Variants in PRSS23 observed in about 807,000 individuals in gnomAD.
The protein encoded by PRSS23 is serine protease 23, also known as protease, serine 23.
Under a neutral mutation model 34.7 loss-of-function variants are expected in PRSS23, and 25 were observed. The observed-to-expected ratio is 0.72, with a 90% CI of 0.53 to 1.01. The LOEUF (loss-of-function observed/expected upper bound fraction) is 1.01. Ranked by LOEUF, PRSS23 falls within the 50% of genes least tolerant of loss-of-function variation. The pLI, the probability that PRSS23 is intolerant of heterozygous loss-of-function variation, is 0.00. For synonymous variants in PRSS23, 176 were observed against 186.6 expected (o/e 0.94, Z 0.46); for missense variants, 445 against 475.6 (o/e 0.94, Z 0.60).
chr11:86,844,605 T>C (rs1171387443), intron 2 of PRSS23, among the ~76,000 whole-genome samples: 1 of 152,212 alleles, frequency 6.6e-6, no homozygotes, highest in African/African-American at 2.4e-5. Context: ...CCCATTTCTT[T>C]CTGCCTCTAT....
intron 2 of PRSS23, among the ~76,000 whole-genome samples, chr11:86,824,630 TC>T (rs1948284637): frequency 1.5e-5 from 1 of 65,078 alleles, no homozygotes; most frequent in Admixed American, 2.5e-4. Context: ...CCCTCCCCCC[TC>T]CCCCCACCCC....
At chr11:86,902,475 T>TG (rs1176347731) in intron 2 of PRSS23, among the ~76,000 whole-genome samples, 3 of 152,238 alleles carry the variant, frequency 2.0e-5, no homozygotes, top group African/African-American at 7.2e-5. Context: ...CAGGTGTACC[T>TG]GGCTTTCTGT....
At chr11:86,845,824 C>G (rs1465688510) in intron 2 of PRSS23, among the ~76,000 whole-genome samples, 3 of 152,192 alleles carry the variant, frequency 2.0e-5, no homozygotes, top group Non-Finnish European at 4.4e-5. Flanking sequence ...CTGTGACCAG[C>G]AGACCTTATC....
intron 2 of PRSS23, among the ~76,000 whole-genome samples, chr11:86,861,592 A>G (rs1161083477): frequency 6.6e-6 from 1 of 151,522 alleles, no homozygotes; most frequent in Non-Finnish European, 1.5e-5. Flanking sequence ...CCCTTCTGTG[A>G]TATTGTTCGT....
rs138110940 is a variant in PRSS23 at position 86,872,204 on chromosome 11, A to G, written c.206+48611A>G. Among the ~76,000 whole-genome samples, 5 of 152,362 alleles carry G rather than the reference A, an allele frequency of 3.3e-5. No homozygotes were observed. The East Asian group carries it at 9.6e-4, about 29-fold the overall frequency. On this transcript the variant is annotated intron_variant, in intron 2 of 2. Transcript: ENST00000533902. Reference sequence around the variant, plus strand: ...AGTATCTAGCAAGATAATGGAATAAATAGTATATAATGTGTTATTATTTCC... The same window carrying G: ...AGTATCTAGCAAGATAATGGAATAAGTAGTATATAATGTGTTATTATTTCC...
At chr11:86,860,496 C>A (rs986334309) in intron 2 of PRSS23, among the ~76,000 whole-genome samples, 1 of 149,620 alleles carries the variant, frequency 6.7e-6, no homozygotes, top group East Asian at 2.0e-4. Flanking sequence ...ATATTACTCC[C>A]AATATCACAA....
intron 2 of PRSS23, among the ~76,000 whole-genome samples, chr11:86,900,781 C>CTTTTTTT (rs60869425): frequency 4.0e-4 from 38 of 94,014 alleles, no homozygotes; most frequent in African/African-American, 8.0e-4. Flanking sequence ...ATCTCTCTCT[C>CTTTTTTT]TTTTTTTTTT....
chr11:86,821,011 C>G (rs1948247843), intron 1 of PRSS23: 1 of 178,068 alleles, frequency 5.6e-6, no homozygotes, highest in Admixed American at 5.9e-5. Context: ...AAAGGCAAAC[C>G]CAGCATACAA....
intron 1 of PRSS23, among the ~76,000 whole-genome samples, chr11:86,802,037 A>G (rs1445382821): frequency 2.0e-5 from 3 of 152,178 alleles, no homozygotes; most frequent in Non-Finnish European, 4.4e-5. Context: ...TGGTTGTAGC[A>G]TAAGTGTCCA....
At position 86,810,978 on chromosome 11, in the gene PRSS23, A is replaced by G. The variant is rs1948172172; in HGVS notation, c.*2183A>G. On this transcript the variant is annotated 3_prime_UTR_variant, in exon 2 of 2. Coordinates refer to ENST00000280258, the MANE Select transcript of PRSS23 (RefSeq NM_007173.6). ...TTTACATGTGTTAGTTATACATATT[A>G]GAAGCATATTTGCCTAGTAAGGCTA... The G allele has an allele frequency of 6.0e-6, 1 of 166,840 alleles. No homozygotes were observed. Among genetic ancestry groups the G allele is most frequent in the Admixed American group, 6.5e-5 (1 of 15,286 alleles). 10.3% of individuals were successfully genotyped at this position (166,840 alleles called of 1,614,324 possible). A position where few individuals can be genotyped will look rare whatever the true frequency, so the allele number is the denominator to read the frequency against.
intron 2 of PRSS23, among the ~76,000 whole-genome samples, chr11:86,840,879 GA>G (rs755872390): frequency 2.8e-5 from 3 of 106,876 alleles, no homozygotes; most frequent in Admixed American, 9.9e-5. Context: ...ATAGCAAAAT[GA>G]TGGCAGAAGT....
At position 86,808,550 on chromosome 11, in the gene PRSS23, G is replaced by C. The variant is rs769459657; in HGVS notation, c.907G>C (p.Asp303His). The stretch of plus-strand genomic sequence containing the variant: ...CTGTGACGTCAAAGACGAGACCTAT[G>C]ACTTGCTCTACCAGCAATGCGATGC... ...RFCDVKDETY[D>H]LLYQQCDAQP... is the part of the protein sequence containing the mutation. The change falls in exon 2 of 2, where the codon GAC becomes CAC. Residue 303 changes from aspartate to histidine, a missense_variant. Coordinates refer to ENST00000280258, the MANE Select transcript of PRSS23 (RefSeq NM_007173.6). 1 of 1,614,216 alleles carries C rather than the reference G, an allele frequency of 6.2e-7. No homozygotes were observed. The highest frequency in any genetic ancestry group is 1.7e-5 in the Admixed American group (1 of 60,030).
At chr11:86,917,271 A>G (rs956471385) in intron 2 of PRSS23, among the ~76,000 whole-genome samples, 4 of 152,216 alleles carry the variant, frequency 2.6e-5, no homozygotes, top group African/African-American at 9.6e-5. Context: ...GTGAGCTGAG[A>G]TTGTGCCATT....
chr11:86,806,189 C>G (rs1284616631), intron 1 of PRSS23, among the ~76,000 whole-genome samples: 2 of 152,230 alleles, frequency 1.3e-5, no homozygotes, highest in African/African-American at 4.8e-5. Context: ...CCTGCTGCCT[C>G]CACCACTTCC....
At chr11:86,921,315 C>T (rs1949046041) in intron 2 of PRSS23, 1 of 152,230 alleles carries the variant, frequency 6.6e-6, no homozygotes, top group Non-Finnish European at 1.5e-5. Context: ...CAGGCAGATT[C>T]ATCCTTACTT....
chr11:86,932,230 G>C (rs1285156715), intron 2 of PRSS23, among the ~76,000 whole-genome samples: 1 of 152,200 alleles, frequency 6.6e-6, no homozygotes, highest in Admixed American at 6.5e-5. Flanking sequence ...AAGCAGGGGA[G>C]GGGCAGGAGC....
At chr11:86,929,683 G>C (rs1298940183) in intron 2 of PRSS23, among the ~76,000 whole-genome samples, 1 of 152,154 alleles carries the variant, frequency 6.6e-6, no homozygotes, top group African/African-American at 2.4e-5. Context: ...CCAGCAATTT[G>C]GTTTCCAGGA....
At chr11:86,880,559 G>C (rs1948766389) in intron 2 of PRSS23, among the ~76,000 whole-genome samples, 1 of 151,998 alleles carries the variant, frequency 6.6e-6, no homozygotes, top group African/African-American at 2.4e-5. Context: ...AGGTATACAT[G>C]TGCCATGGTG....
In PRSS23 at chr11:86,807,752, C is replaced by T. The variant is rs1948119263; in HGVS notation, c.109C>T (p.Leu37Phe). 6.2e-7 allele frequency: 1 copy of T among 1,614,164 alleles called. No individual in the cohort carries two copies. The highest frequency in any genetic ancestry group is 8.5e-7 in the Non-Finnish European group (1 of 1,180,034). ...GAAACCCACTTGGCCTGCATACCGC[C>T]TCCCTGTCGTCTTGCCCCAGTCTAC... ...PWKPTWPAYR[L>F]PVVLPQSTLN... Residue 37 changes from leucine to phenylalanine, a missense_variant, in exon 2 of 2, where the codon CTC becomes TTC. Physicochemically the swap from Leu to Phe is conservative, Grantham distance 22 (BLOSUM62 0). Transcript: ENST00000280258.
Sources: gnomAD v4.1 joint callset for allele counts (sites outside exome capture counted in the v4.1 genomes callset) on GRCh38, gnomAD v4.1.1 for gene constraint, MANE v1.5 for transcripts, NCBI Gene and HGNC (gene_info 2026-07-23, HGNC 2026-07-21) for gene names.